HS6ST3: variants seen among roughly 807,000 people sequenced by gnomAD.
HS6ST3 encodes the protein heparan sulfate 6-O-sulfotransferase 3, also known as heparan-sulfate 6-O-sulfotransferase 3.
HS6ST3 carries 12 observed loss-of-function variants against 36.7 expected under a neutral mutation model. The observed-to-expected ratio is 0.33, with a 90% CI of 0.21 to 0.53. The LOEUF (loss-of-function observed/expected upper bound fraction) is 0.53, where lower values mean the gene tolerates loss of function less well. Among genes scored for constraint, HS6ST3 ranks in the 20% least tolerant of loss-of-function variants. HS6ST3 has a pLI of 0.95. For synonymous variants in HS6ST3, 240 were observed against 257.5 expected (o/e 0.93, Z 0.65); for missense variants, 584 against 640.9 (o/e 0.91, Z 0.96).
chr13:96,446,727 C>G (rs2055701038), intron 1 of HS6ST3, among the ~76,000 whole-genome samples: 1 of 152,186 alleles, frequency 6.6e-6, no homozygotes, highest in Non-Finnish European at 1.5e-5. Flanking sequence ...TCTCAATTAA[C>G]TTTTTATTCA....
chr13:96,135,805 G>A (rs1297627200), intron 1 of HS6ST3, among the ~76,000 whole-genome samples: 1 of 152,052 alleles, frequency 6.6e-6, no homozygotes, highest in Non-Finnish European at 1.5e-5. Context: ...GGACTTACAG[G>A]GATGGCTCAG....
At chr13:96,477,247 C>T (rs566051336) in intron 1 of HS6ST3, among the ~76,000 whole-genome samples, 2 of 152,224 alleles carry the variant, frequency 1.3e-5, no homozygotes, top group Non-Finnish European at 2.9e-5. Context: ...AGCAATGTGC[C>T]TTTTGAGCTG....
chr13:96,230,657 G>A (rs1336828262), intron 1 of HS6ST3, among the ~76,000 whole-genome samples: 3 of 152,132 alleles, frequency 2.0e-5, no homozygotes, highest in Non-Finnish European at 4.4e-5. Flanking sequence ...GAAGCCAAGA[G>A]AGGACTGGAT....
chr13:96,816,213 C>A (rs1159242225), intron 1 of HS6ST3, among the ~76,000 whole-genome samples: 2 of 152,136 alleles, frequency 1.3e-5, no homozygotes, highest in Non-Finnish European at 2.9e-5. Context: ...GACCTGAAAA[C>A]AACAAAACAG....
At chr13:96,768,024 G>A (rs530077222) in intron 1 of HS6ST3, among the ~76,000 whole-genome samples, 1 of 152,252 alleles carries the variant, frequency 6.6e-6, no homozygotes, top group South Asian at 2.1e-4. Context: ...GTCAGGAACT[G>A]GAAAGAAAAG....
At chr13:96,661,828 G>T (rs1188335952) in intron 1 of HS6ST3, among the ~76,000 whole-genome samples, 1 of 152,112 alleles carries the variant, frequency 6.6e-6, no homozygotes, top group Non-Finnish European at 1.5e-5. Context: ...GTCTGGGAAA[G>T]ACTTTATTTA....
intron 1 of HS6ST3, among the ~76,000 whole-genome samples, chr13:96,482,545 T>C (rs555814022): frequency 6.6e-6 from 1 of 152,188 alleles, no homozygotes; most frequent in East Asian, 1.9e-4. Context: ...CTCTGCAGTG[T>C]TGTTAGAAGC....
At chr13:96,520,648 C>G (rs142486693) in intron 1 of HS6ST3, among the ~76,000 whole-genome samples, 2,543 of 152,124 alleles carry the variant, frequency 0.017, 72 homozygotes, top group African/African-American at 0.057. Flanking sequence ...CTCTCTGTTT[C>G]TCTGTTATTG....
chr13:96,830,411 C>A (rs900033042), intron 1 of HS6ST3, among the ~76,000 whole-genome samples: 1 of 152,184 alleles, frequency 6.6e-6, no homozygotes, highest in African/African-American at 2.4e-5. Context: ...CCCTTCTTTG[C>A]TAACACAGAT....
chr13:96,496,381 C>CA (rs1318165209), intron 1 of HS6ST3, among the ~76,000 whole-genome samples: 1 of 152,130 alleles, frequency 6.6e-6, no homozygotes, highest in Non-Finnish European at 1.5e-5. Context: ...CTTGACCCAT[C>CA]AAGAGGGACA....
intron 1 of HS6ST3, among the ~76,000 whole-genome samples, chr13:96,187,883 A>G (rs908904621): frequency 6.6e-6 from 1 of 152,182 alleles, no homozygotes; most frequent in Non-Finnish European, 1.5e-5. Flanking sequence ...CTCCATTGAC[A>G]ATGAATGCCT....
intron 1 of HS6ST3, among the ~76,000 whole-genome samples, chr13:96,579,188 A>G (rs2056332850): frequency 6.6e-6 from 1 of 152,130 alleles, no homozygotes; most frequent in African/African-American, 2.4e-5. Flanking sequence ...TTTAATTTTA[A>G]TATTTTGTAC....
chr13:96,278,166 A>G (rs1351876704), intron 1 of HS6ST3, among the ~76,000 whole-genome samples: 2 of 152,200 alleles, frequency 1.3e-5, no homozygotes, highest in African/African-American at 2.4e-5. Context: ...CCAGTAGGAT[A>G]TCTGAAATTC....
intron 1 of HS6ST3, among the ~76,000 whole-genome samples, chr13:96,600,753 T>C (rs1320284946): frequency 6.6e-6 from 1 of 152,106 alleles, no homozygotes; most frequent in Non-Finnish European, 1.5e-5. Context: ...TGTTACTGTT[T>C]TATAAGCCCT....
chr13:96,400,166 C>CACACACACACAG (rs2055442505), intron 1 of HS6ST3, among the ~76,000 whole-genome samples: 1 of 151,690 alleles, frequency 6.6e-6, no homozygotes, highest in African/African-American at 2.4e-5. Flanking sequence ...CACACACACA[C>CACACACACACAG]ACACACACAC....
chr13:96,356,240 A>G (rs1354875368), intron 1 of HS6ST3, among the ~76,000 whole-genome samples: 4 of 152,198 alleles, frequency 2.6e-5, no homozygotes, highest in East Asian at 1.9e-4. Context: ...TTCTTCCAAA[A>G]TCCTGTTCAT....
chr13:96,528,586 C>A (rs1185812159), intron 1 of HS6ST3, among the ~76,000 whole-genome samples: 6 of 152,030 alleles, frequency 3.9e-5, no homozygotes, highest in African/African-American at 7.2e-5. Flanking sequence ...TACGTAATAT[C>A]AAAAATCATC....
chr13:96,778,247 T>A (rs112572724), intron 1 of HS6ST3, among the ~76,000 whole-genome samples: 77 of 152,212 alleles, frequency 5.1e-4, no homozygotes, highest in African/African-American at 1.6e-3. Flanking sequence ...GCAATACCAT[T>A]CAGGACATAG....
chr13:96,614,705 A>C (rs2056468174), intron 1 of HS6ST3, among the ~76,000 whole-genome samples: 1 of 152,230 alleles, frequency 6.6e-6, no homozygotes, highest in South Asian at 2.1e-4. Flanking sequence ...CTGACAGGAA[A>C]TAAAAATAAT....
Sources: gnomAD v4.1 joint callset for allele counts (sites outside exome capture counted in the v4.1 genomes callset) on GRCh38, gnomAD v4.1.1 for gene constraint, MANE v1.5 for transcripts, NCBI Gene and HGNC (gene_info 2026-07-23, HGNC 2026-07-21) for gene names.